The following TPGS2 variants were observed in gnomAD, a reference collection of about 807,000 sequenced individuals.
TPGS2 encodes tubulin polyglutamylase complex subunit 2, also known as polyglutamylase subunit 2.
A neutral mutation model predicts 31.1 loss-of-function variants in TPGS2; 26 were observed. That is an observed-to-expected ratio of 0.84 (90% confidence interval 0.61 to 1.16). The LOEUF is 1.16. TPGS2 is among the 50% of genes most tolerant of loss of function. The pLI is 0.00. For synonymous variants in TPGS2, 130 were observed against 136.6 expected, an observed-to-expected ratio of 0.95 and a Z score of 0.34; for missense variants, 351 against 363.8, an observed-to-expected ratio of 0.96 and a Z score of 0.29.
intron 6 of TPGS2, among the ~76,000 whole-genome samples, chr18:36,783,934 T>C (rs1000148995): frequency 4.6e-5 from 7 of 152,072 alleles, no homozygotes; most frequent in African/African-American, 1.7e-4. Context: ...GTGTCCCTTA[T>C]AAGAGAAAGG....
At chr18:36,789,434 A>C (rs1600721781), downstream of TPGS2, 1 of 152,196 alleles carries the variant, frequency 6.6e-6, no homozygotes, top group Non-Finnish European at 1.5e-5. Flanking sequence ...ATGTGGCTGG[A>C]GATTGAGGAA....
At chr18:36,822,705 C>G (rs1281532927) in intron 1 of TPGS2, among the ~76,000 whole-genome samples, 1 of 152,118 alleles carries the variant, frequency 6.6e-6, no homozygotes, top group African/African-American at 2.4e-5. Context: ...AGTGATCCTC[C>G]CATCTTAGCC....
rs770747416 is a variant in TPGS2, at chr18:36,807,985, C to T, written c.166-51G>A. The T allele has an allele frequency of 2.3e-5, 36 of 1,585,442 alleles. No individual in the cohort carries two copies. The African/African-American group carries it at 4.4e-4, about 20-fold the overall frequency. Reference sequence around the variant, plus strand: ...TAGGTAAGGGCTGGGAAAGAGGGTACAGGGCTATGGCTTAAGGCACTGGGG... The same window carrying T: ...TAGGTAAGGGCTGGGAAAGAGGGTATAGGGCTATGGCTTAAGGCACTGGGG... On this transcript the variant is annotated intron_variant, in intron 2 of 6. Coordinates refer to ENST00000334295, the MANE Select transcript of TPGS2 (RefSeq NM_015476.4).
chr18:36,816,828 C>T (rs1393507651), intron 2 of TPGS2, among the ~76,000 whole-genome samples: 4 of 152,158 alleles, frequency 2.6e-5, no homozygotes, highest in Non-Finnish European at 4.4e-5. Context: ...AGGCTGGTCT[C>T]GAACTCCTGA....
At chr18:36,809,736 A>T (rs781431311) in intron 2 of TPGS2, among the ~76,000 whole-genome samples, 100 of 152,162 alleles carry the variant, frequency 6.6e-4, no homozygotes, top group Non-Finnish European at 7.5e-4. Context: ...CATTGCTCTG[A>T]CATTTTGATC....
chr18:36,790,621 T>C (rs1228827459), downstream of TPGS2, among the ~76,000 whole-genome samples: 2 of 152,246 alleles, frequency 1.3e-5, no homozygotes, highest in East Asian at 3.8e-4. Flanking sequence ...CATTGGAACA[T>C]TGCTAACATC....
rs530719416 is a variant in TPGS2 at position 36,816,671 on chromosome 18, C to T, written c.165+2223G>A. 5.3e-5 allele frequency among the ~76,000 whole-genome samples: 8 copies of T among 152,212 alleles called. No individual in the cohort carries two copies. In the East Asian group the frequency reaches 1.4e-3, roughly 26 times the overall value. On this transcript the variant is annotated intron_variant, in intron 2 of 6. Coordinates refer to ENST00000334295, the MANE Select transcript of TPGS2 (RefSeq NM_015476.4). ...TTGCCCAGGCTGGAGTGCAGTTGTG[C>T]GATCTCAGTTCACTACAACCTCCGC...
At chr18:36,791,520 G>A (rs1445553313), downstream of TPGS2, among the ~76,000 whole-genome samples, 2 of 152,054 alleles carry the variant, frequency 1.3e-5, no homozygotes, top group Non-Finnish European at 2.9e-5. Flanking sequence ...CTGGAGTTTT[G>A]GAGAGAGAGA....
chr18:36,810,449 C>T (rs1227230583), intron 2 of TPGS2, among the ~76,000 whole-genome samples: 1 of 152,066 alleles, frequency 6.6e-6, no homozygotes, highest in African/African-American at 2.4e-5. Context: ...AGCAATCTGC[C>T]CACATCAGAG....
chr18:36,828,259 C>A (rs2046280468), intron 1 of TPGS2, among the ~76,000 whole-genome samples: 1 of 152,134 alleles, frequency 6.6e-6, no homozygotes, highest in Non-Finnish European at 1.5e-5. Flanking sequence ...CCTTTCAGAC[C>A]CGACGTAGTT....
At chr18:36,823,853 T>G in intron 1 of TPGS2, 1 of 985,276 alleles carries the variant, frequency 1.0e-6, no homozygotes. Flanking sequence ...AGGTGTGGTA[T>G]CTCATCATCT....
chr18:36,807,651 C>G, intron 3 of TPGS2, 196 bp downstream of exon 3: 1 of 600,464 alleles, frequency 1.7e-6, no homozygotes, highest in Non-Finnish European at 3.0e-6. Flanking sequence ...GCTAGACTGT[C>G]GTGGGATTTG....
Position 36,828,961 on chromosome 18 carries a change from G to T in TPGS2, c.-194C>A. The stretch of plus-strand genomic sequence containing the variant: ...GGCGCCGGTTCCCGCGGCCCCGCCC[G>T]GTGCCCCACACCGCACCTCCGGGAC... On this transcript the variant is annotated 5_prime_UTR_variant, in exon 1 of 7. Transcript: ENST00000334295. 1 of 1,006,052 alleles carries T rather than the reference G, an allele frequency of 9.9e-7. No individual in the cohort carries two copies. The highest frequency in any genetic ancestry group is 1.4e-6 in the Non-Finnish European group (1 of 719,254). 62.3% of individuals were successfully genotyped at this position (1,006,052 alleles called of 1,614,324 possible).
Position 36,795,235 on chromosome 18 carries a change from T to A in TPGS2, c.*1570A>T. 1 of 985,436 alleles carries A rather than the reference T, an allele frequency of 1.0e-6. No homozygotes were observed. Among genetic ancestry groups the A allele is most frequent in the African/African-American group, 1.7e-5 (1 of 57,358 alleles). 61.0% of individuals were successfully genotyped at this position (985,436 alleles called of 1,614,324 possible). A position where few individuals can be genotyped will look rare whatever the true frequency, so the allele number is the denominator to read the frequency against. ...GCAAAAGTGCATGTGGAGAATCCTG[T>A]GGACTGCTCTTAGTTCCCCAGTGGG... On this transcript the variant is annotated 3_prime_UTR_variant, in exon 7 of 7. Transcript: ENST00000334295.
chr18:36,807,723 G>T, intron 3 of TPGS2, 124 bp downstream of exon 3: 2 of 763,036 alleles, frequency 2.6e-6, no homozygotes, highest in Non-Finnish European at 4.3e-6. Context: ...TTCTGGACAT[G>T]GCACTTGAGG....
In TPGS2 at chr18:36,819,080, C is replaced by T. The variant is rs1772195624; in HGVS notation, c.86-107G>A. On this transcript the variant is annotated intron_variant, in intron 1 of 6. Coordinates refer to ENST00000334295, the MANE Select transcript of TPGS2 (RefSeq NM_015476.4). ...TGACTGCTCTTAAGAACATCCAATC[C>T]TTCTCATGAACACTTATTACCCCTG... 3 of 909,496 alleles carry T rather than the reference C, an allele frequency of 3.3e-6. No homozygotes were observed. In the Admixed American group the frequency reaches 6.9e-5, roughly 21 times the overall value. 56.3% of individuals were successfully genotyped at this position (909,496 alleles called of 1,614,324 possible).
chr18:36,797,236 A>AAGAT (rs1436049439), intron 6 of TPGS2, among the ~76,000 whole-genome samples, 186 bp from the exon 7 acceptor site: 5 of 152,212 alleles, frequency 3.3e-5, no homozygotes, highest in African/African-American at 7.2e-5. Flanking sequence ...AACCTCTGGT[A>AAGAT]AGATAGACAC....
chr18:36,814,274 C>A (rs1252317113), intron 2 of TPGS2, among the ~76,000 whole-genome samples: 1 of 152,156 alleles, frequency 6.6e-6, no homozygotes, highest in Non-Finnish European at 1.5e-5. Flanking sequence ...AGTGTAGACA[C>A]TGGGCCTTAC....
At chr18:36,816,545 A>G (rs2045660973) in intron 2 of TPGS2, among the ~76,000 whole-genome samples, 1 of 152,134 alleles carries the variant, frequency 6.6e-6, no homozygotes, top group South Asian at 2.1e-4. Context: ...TCACCTTCCA[A>G]TCCAGGTCCT....
Sources: gnomAD v4.1 joint callset for allele counts (sites outside exome capture counted in the v4.1 genomes callset) on GRCh38, gnomAD v4.1.1 for gene constraint, MANE v1.5 for transcripts, NCBI Gene and HGNC (gene_info 2026-07-23, HGNC 2026-07-21) for gene names.